CLU: variants seen among roughly 807,000 people sequenced by gnomAD.
CLU encodes the protein aging-associated protein 4.
Under a neutral mutation model 46.4 loss-of-function variants are expected in CLU, and 25 were observed. That is an observed-to-expected ratio of 0.54 (90% CI 0.39 to 0.75). The LOEUF (loss-of-function observed/expected upper bound fraction) is 0.75, where lower values mean the gene tolerates loss of function less well. Ranked by LOEUF, CLU falls within the 30% of genes least tolerant of loss-of-function variation. The probability of loss-of-function intolerance (pLI) is 0.00; values close to 1 mark genes in which losing one functional copy is unlikely to be tolerated. For synonymous variants in CLU, 235 were observed against 235.1 expected, an observed-to-expected ratio of 1.00 and a Z score of 0.00; for missense variants, 504 against 592.1, an observed-to-expected ratio of 0.85 and a Z score of 1.54.
Position 27,606,528 on chromosome 8 carries a change from C to T in CLU, c.247-4G>A, listed in dbSNP as rs1257227067. 2.5e-6 allele frequency: 4 copies of T among 1,614,054 alleles called. No individual in the cohort carries two copies. The South Asian group carries it at 4.4e-5, about 18-fold the overall frequency. On this transcript the variant is annotated splice_region_variant and splice_polypyrimidine_tract_variant and intron_variant, in intron 3 of 8. Transcript: ENST00000316403. ...CCCTGGTCTCATTTAGGGCATCCTA[C>T]AGGAAGACACAAGGCTGGCTGAGCC...
At chr8:27,606,035 G>C (rs1418704593) in intron 4 of CLU, among the ~76,000 whole-genome samples, 2 of 150,724 alleles carry the variant, frequency 1.3e-5, no homozygotes, top group Admixed American at 6.6e-5. Context: ...GTGAGACCCT[G>C]TCTCAAAAAA....
Position 27,610,336 on chromosome 8 carries a change from G to A in CLU, c.97+139C>T, listed in dbSNP as rs1800900134. On this transcript the variant is annotated intron_variant, in intron 2 of 8. Coordinates refer to ENST00000316403, the MANE Select transcript of CLU (RefSeq NM_001831.4). ...GAGGCTCAGAGTGGGCCCAGACACA[G>A]GCACCCAGACCCAGTGCACAAGATA... is the stretch of plus-strand genomic sequence containing the variant. 6.7e-6 allele frequency: 5 copies of A among 750,918 alleles called. No individual in the cohort carries two copies. In the African/African-American group the frequency reaches 6.8e-5, roughly 10 times the overall value. 46.5% of individuals were successfully genotyped at this position (750,918 alleles called of 1,614,324 possible).
At chr8:27,602,975 G>A (rs1800748271) in intron 6 of CLU, among the ~76,000 whole-genome samples, 1 of 152,150 alleles carries the variant, frequency 6.6e-6, no homozygotes, top group Admixed American at 6.5e-5. Context: ...TGAGGCAGGA[G>A]AATCACTTGA....
At position 27,597,291 on chromosome 8, in the gene CLU, T is replaced by G. The variant is rs1241857581; in HGVS notation, c.*950A>C. ...GTTAATGAACGAAAAGCCTGAGCTT[T>G]AAGACTGAGATTGGTACCACGGGTA... is the stretch of plus-strand genomic sequence containing the variant. On this transcript the variant is annotated 3_prime_UTR_variant, in exon 9 of 9. Transcript: ENST00000316403. 1 of 454,422 alleles carries G rather than the reference T, an allele frequency of 2.2e-6. No homozygotes were observed. The highest frequency in any genetic ancestry group is 4.4e-6 in the Non-Finnish European group (1 of 226,788). 28.1% of individuals were successfully genotyped at this position (454,422 alleles called of 1,614,324 possible).
chr8:27,601,446 C>A (rs113933066), intron 6 of CLU, among the ~76,000 whole-genome samples: 5 of 152,360 alleles, frequency 3.3e-5, no homozygotes, highest in African/African-American at 1.2e-4. Context: ...GGGGTCCTTG[C>A]CTGCCCACCT....
At chr8:27,604,085 A>C (rs1465343336) in intron 6 of CLU, 1 of 594,672 alleles carries the variant, frequency 1.7e-6, no homozygotes, top group African/African-American at 1.8e-5. Context: ...CTTCAGGGAC[A>C]GCCTCGCATC....
Position 27,605,045 on chromosome 8 carries a change from C to T in CLU, c.708G>A (p.Glu236=), listed in dbSNP as rs747808338. The stretch of plus-strand genomic sequence containing the variant: ...GGAACATGGCGTGGAAGTTCAGGGG[C>T]TCGTACGGAGAGAAGGGCATCAAGC... The part of the protein sequence containing the change: ...VRSLMPFSPY[E]PLNFHAMFQP... Residue 236 remains glutamate, a synonymous_variant, in exon 5 of 9, where the codon GAG becomes GAA. Coordinates refer to ENST00000316403, the MANE Select transcript of CLU (RefSeq NM_001831.4). The T allele has an allele frequency of 1.9e-6, 3 of 1,614,042 alleles. No homozygotes were observed. The highest frequency in any genetic ancestry group is 4.5e-5 in the East Asian group (2 of 44,872).
chr8:27,601,345 C>T (rs989367628), intron 6 of CLU, among the ~76,000 whole-genome samples: 3 of 152,258 alleles, frequency 2.0e-5, no homozygotes, highest in Admixed American at 6.5e-5. Flanking sequence ...CCAATGCACC[C>T]GGTCCAAACT....
chr8:27,613,911 A>G (rs2128910953), intron 1 of CLU: 1 of 152,320 alleles, frequency 6.6e-6, no homozygotes, highest in African/African-American at 2.4e-5. Context: ...TTTTTTAACT[A>G]GGTCCAGAAA....
Position 27,597,392 on chromosome 8 carries a change from G to A in CLU, c.*849C>T, listed in dbSNP as rs1204929744. The A allele has an allele frequency of 3.7e-5, 17 of 454,386 alleles. No individual in the cohort carries two copies. The East Asian group carries it at 1.2e-3, about 32-fold the overall frequency. 28.1% of individuals were successfully genotyped at this position (454,386 alleles called of 1,614,324 possible). A position where few individuals can be genotyped will look rare whatever the true frequency, so the allele number is the denominator to read the frequency against. Reference sequence around the variant, plus strand: ...AGACTAAAAGCCGAGAAACGCCTGTGGTCCAGGGAAAGGTATGAAGATCAT... The same window carrying A: ...AGACTAAAAGCCGAGAAACGCCTGTAGTCCAGGGAAAGGTATGAAGATCAT... On this transcript the variant is annotated 3_prime_UTR_variant, in exon 9 of 9. Coordinates refer to ENST00000316403, the MANE Select transcript of CLU (RefSeq NM_001831.4).
In CLU at chr8:27,604,541, T is replaced by G. The variant is rs1047249300; in HGVS notation, c.830-146A>C. Reference sequence around the variant, plus strand: ...AGGCTGGAATGCAATGGTGCAATCATAGCTCACTGCAGCCTCCAACTTCCA... The same window carrying G: ...AGGCTGGAATGCAATGGTGCAATCAGAGCTCACTGCAGCCTCCAACTTCCA... On this transcript the variant is annotated intron_variant, in intron 5 of 8. Coordinates refer to ENST00000316403, the MANE Select transcript of CLU (RefSeq NM_001831.4). The G allele has an allele frequency of 1.6e-4, 120 of 767,304 alleles. 2 individuals are homozygous for G. Among genetic ancestry groups the G allele is most frequent in the South Asian group, 5.1e-4 (33 of 64,574 alleles). 47.5% of individuals were successfully genotyped at this position (767,304 alleles called of 1,614,324 possible). A position where few individuals can be genotyped will look rare whatever the true frequency, so the allele number is the denominator to read the frequency against.
chr8:27,599,724 C>T lies in CLU; in HGVS notation c.1164+56G>A. ...TCAGTCAAAAGCACACATGCCCCTG[C>T]TCCCGATCACAGCTCGGGCTCCCGA... On this transcript the variant is annotated intron_variant, in intron 7 of 8. Coordinates refer to ENST00000316403, the MANE Select transcript of CLU (RefSeq NM_001831.4). The surrounding 1 kb of genome is among the most constrained non-coding windows in gnomAD (Gnocchi z 4.0). 2.3e-6 allele frequency: 3 copies of T among 1,320,748 alleles called. No homozygotes were observed. In the Admixed American group the frequency reaches 5.8e-5, roughly 25 times the overall value. 81.8% of individuals were successfully genotyped at this position (1,320,748 alleles called of 1,614,324 possible).
chr8:27,606,658 A>ACACTTGCTCCAGTTCAAGCTTC (rs1800828018), intron 3 of CLU, 134 bp from the exon 4 acceptor site: 1 of 986,922 alleles, frequency 1.0e-6, no homozygotes, highest in African/African-American at 1.6e-5. Context: ...GCAAGTGCCT[A>ACACTTGCTCCAGTTCAAGCTTC]CCCTTGCTCC....
At chr8:27,604,059 A>G (rs558225638) in intron 6 of CLU, among the ~76,000 whole-genome samples, 7 of 152,292 alleles carry the variant, frequency 4.6e-5, no homozygotes, top group Non-Finnish European at 8.8e-5. Context: ...TTGCATCTCT[A>G]ACGACATCTC....
rs766499494 is a variant in CLU at position 27,609,093 on chromosome 8, G to A, written c.98-7C>T. ...CTTCCCTGATTGGACATTTCTGCAAGAGAAGTGCAAGAGGCAGAATGAGGC... is the reference window on the plus strand; with the variant it reads ...CTTCCCTGATTGGACATTTCTGCAAAAGAAGTGCAAGAGGCAGAATGAGGC... On this transcript the variant is annotated splice_region_variant and splice_polypyrimidine_tract_variant and intron_variant, in intron 2 of 8. Coordinates refer to ENST00000316403, the MANE Select transcript of CLU (RefSeq NM_001831.4). 24 of 1,613,616 alleles carry A rather than the reference G, an allele frequency of 1.5e-5. No individual in the cohort carries two copies. Among genetic ancestry groups the A allele is most frequent in the Non-Finnish European group, 1.9e-5 (22 of 1,180,032 alleles).
In CLU at chr8:27,605,243, C is replaced by A. The variant is rs534508746; in HGVS notation, c.510G>T (p.Thr170=). 1.2e-6 allele frequency: 2 copies of A among 1,614,178 alleles called. No homozygotes were observed. Among genetic ancestry groups the A allele is most frequent in the Non-Finnish European group, 1.7e-6 (2 of 1,180,036 alleles). ...DSLLENDRQQ[T]HMLDVMQDHF... is the part of the protein sequence containing the mutation. ...GGTCCTGCATGACATCCAGCATGTGCGTCTGCTGCCGGTCGTTCTCCAGCA... is the reference window on the plus strand; with the variant it reads ...GGTCCTGCATGACATCCAGCATGTGAGTCTGCTGCCGGTCGTTCTCCAGCA... Residue 170 remains threonine (T), a synonymous_variant, in exon 5 of 9, where the codon ACG becomes ACT. Coordinates refer to ENST00000316403, the MANE Select transcript of CLU (RefSeq NM_001831.4).
At chr8:27,607,645 A>G (rs1800845519) in intron 3 of CLU, among the ~76,000 whole-genome samples, 1 of 152,146 alleles carries the variant, frequency 6.6e-6, no homozygotes, top group Non-Finnish European at 1.5e-5. Context: ...AAAATAGATC[A>G]AATGTTAACA....
At position 27,599,554 on chromosome 8, in the gene CLU, C is replaced by T. The variant is rs1436886023; in HGVS notation, c.1164+226G>A. Reference sequence around the variant, plus strand: ...TCAAATACCCGTCCAAGTCATCTGTCAGCTATCACACCTTGGCCAAGCTGT... The same window carrying T: ...TCAAATACCCGTCCAAGTCATCTGTTAGCTATCACACCTTGGCCAAGCTGT... On this transcript the variant is annotated intron_variant, in intron 7 of 8. Coordinates refer to ENST00000316403, the MANE Select transcript of CLU (RefSeq NM_001831.4). This position sits in a 1 kb window ranked among gnomAD's most constrained non-coding sequence, Gnocchi z 4.0. The T allele has an allele frequency of 7.2e-6, 4 of 554,160 alleles. No homozygotes were observed. The African/African-American group carries it at 7.6e-5, about 10-fold the overall frequency. The allele number at this position is 554,160 out of a possible 1,614,324, so 34.3% of individuals were successfully genotyped here. A position where few individuals can be genotyped will look rare whatever the true frequency, so the allele number is the denominator to read the frequency against.
intron 6 of CLU, among the ~76,000 whole-genome samples, chr8:27,601,529 C>A (rs1800721468): frequency 1.3e-5 from 2 of 152,184 alleles, no homozygotes; most frequent in Non-Finnish European, 2.9e-5. Flanking sequence ...TGGCCCTGGG[C>A]TGCAGGTTGT....
Sources: allele counts gnomAD v4.1 joint callset (sites outside exome capture counted in the v4.1 genomes callset), GRCh38; gene constraint gnomAD v4.1.1; non-coding constraint Gnocchi (gnomAD v3.1); transcripts MANE v1.5; gene names NCBI Gene and HGNC (gene_info 2026-07-23, HGNC 2026-07-21).